IFITM10: variants seen among roughly 807,000 people sequenced by gnomAD.
The protein encoded by IFITM10 is interferon-induced transmembrane protein 10.
A neutral mutation model predicts 19.0 loss-of-function variants in IFITM10; 17 were observed. That is an observed-to-expected ratio of 0.90 (90% confidence interval 0.61 to 1.34). The LOEUF (loss-of-function observed/expected upper bound fraction) is 1.34. Among genes scored for constraint, IFITM10 ranks in the 40% most tolerant of loss-of-function variants. The pLI is 0.00. For synonymous variants in IFITM10, 148 were observed against 147.2 expected, an observed-to-expected ratio of 1.01 and a Z score of -0.04; for missense variants, 306 against 319.8, an observed-to-expected ratio of 0.96 and a Z score of 0.33.
chr11:1,738,067 A>G (rs1391663946), intron 2 of IFITM10, among the ~76,000 whole-genome samples: 1 of 152,040 alleles, frequency 6.6e-6, no homozygotes, highest in Non-Finnish European at 1.5e-5. Context: ...ATGATCGGGA[A>G]GGTGGGTGGA....
intron 2 of IFITM10, 142 bp downstream of exon 2, chr11:1,747,525 G>C (rs758256234): frequency 8.7e-5 from 63 of 726,344 alleles, no homozygotes; most frequent in Non-Finnish European, 1.2e-4. Context: ...ACTGTCCTTT[G>C]ATCCCTTGGC....
At chr11:1,739,095 C>T (rs747247404) in intron 2 of IFITM10, among the ~76,000 whole-genome samples, 56 of 145,888 alleles carry the variant, frequency 3.8e-4, no homozygotes, top group Non-Finnish European at 7.2e-4. Context: ...TGGAACTCCA[C>T]GTGGTTTGAA....
At chr11:1,744,843 C>T (rs1845619848) in intron 2 of IFITM10, 2 of 152,296 alleles carry the variant, frequency 1.3e-5, no homozygotes, top group African/African-American at 2.4e-5. Context: ...CCCAAGAGCT[C>T]GGATTTTAGC....
At position 1,735,266 on chromosome 11, in the gene IFITM10, G is replaced by T; in HGVS notation, c.*14C>A. 6.4e-7 allele frequency: 1 copy of T among 1,551,188 alleles called. No homozygotes were observed. Among genetic ancestry groups the T allele is most frequent in the South Asian group, 1.2e-5 (1 of 84,032 alleles). ...TCAGTGCTTGTCTCCGCCAGCAGCC[G>T]TGCCTGGCGGGCCTTAGTAGTCGGT... On this transcript the variant is annotated 3_prime_UTR_variant, in exon 3 of 3. Transcript: ENST00000340134.
intron 2 of IFITM10, chr11:1,746,463 T>C (rs768719328): frequency 9.8e-5 from 39 of 397,796 alleles, no homozygotes; most frequent in Non-Finnish European, 1.5e-4. Context: ...AGTACACACA[T>C]ACACTGACAC....
At position 1,746,415 on chromosome 11, in the gene IFITM10, ACACT is replaced by A. The variant is rs752144610; in HGVS notation, c.537+1248_537+1251del. The A allele has an allele frequency of 1.4e-3, 574 of 397,634 alleles. 4 individuals carry two copies. Among genetic ancestry groups the A allele is most frequent in the Non-Finnish European group, 2.1e-3 (466 of 225,904 alleles). The allele number at this position is 397,634 out of a possible 1,614,324, so 24.6% of individuals were successfully genotyped here. On this transcript the variant is annotated intron_variant, in intron 2 of 2. Coordinates refer to ENST00000340134, the MANE Select transcript of IFITM10 (RefSeq NM_001170820.4). ...AATGCATTCACATGCACACATAGTT[ACACT>A]CACAGTACATGCCCACTTATGCAAT... is the stretch of plus-strand genomic sequence containing the variant.
In IFITM10 at chr11:1,735,421, G is replaced by A; in HGVS notation, c.546C>T (p.Asp182=). ...CATTCAGGTCATTGAGAAGCTTCTTGTCTCGCACCTGAAGCCGGGAGGAGG... is the reference window on the plus strand; with the variant it reads ...CATTCAGGTCATTGAGAAGCTTCTTATCTCGCACCTGAAGCCGGGAGGAGG... ...IALAYSLKVR[D]KKLLNDLNGA... The change falls in exon 3 of 3, where the codon GAC becomes GAT. Residue 182 remains aspartate, a synonymous_variant. Transcript: ENST00000340134. 1 of 1,551,308 alleles carries A rather than the reference G, an allele frequency of 6.4e-7. No homozygotes were observed. Among genetic ancestry groups the A allele is most frequent in the Non-Finnish European group, 8.7e-7 (1 of 1,146,660 alleles).
intron 2 of IFITM10, among the ~76,000 whole-genome samples, chr11:1,737,264 T>C (rs558723865): frequency 6.6e-6 from 1 of 152,268 alleles, no homozygotes; most frequent in Non-Finnish European, 1.5e-5. Flanking sequence ...TAAAATTGCA[T>C]GTCTAACTGA....
At chr11:1,750,035 C>T (rs1262088220) in intron 1 of IFITM10, among the ~76,000 whole-genome samples, 1 of 152,130 alleles carries the variant, frequency 6.6e-6, no homozygotes, top group Non-Finnish European at 1.5e-5. Context: ...CTGCTAAGGA[C>T]ACTTGTCTCC....
chr11:1,750,046 C>T lies in IFITM10; in HGVS notation c.84+313G>A, dbSNP rs1009826560. On this transcript the variant is annotated intron_variant, in intron 1 of 2. Transcript: ENST00000340134. ...CTGGCTGCTAAGGACACTTGTCTCC[C>T]TGGAGGCTGGTTTACTCACCTGCCC... Among the ~76,000 whole-genome samples, 6 of 152,256 alleles carry T rather than the reference C, an allele frequency of 3.9e-5. No individual in the cohort carries two copies. In the East Asian group the frequency reaches 9.6e-4, roughly 24 times the overall value.
At chr11:1,749,512 G>GT (rs1221422396) in intron 1 of IFITM10, among the ~76,000 whole-genome samples, 1 of 149,170 alleles carries the variant, frequency 6.7e-6, no homozygotes, top group African/African-American at 2.5e-5. Flanking sequence ...CCCCAAGAGA[G>GT]ACCCTCTTCC....
At chr11:1,738,582 T>C (rs1851111620) in intron 2 of IFITM10, among the ~76,000 whole-genome samples, 1 of 152,102 alleles carries the variant, frequency 6.6e-6, no homozygotes, top group Non-Finnish European at 1.5e-5. Flanking sequence ...GATGTGTGGA[T>C]ATGTAAGAGC....
intron 2 of IFITM10, among the ~76,000 whole-genome samples, chr11:1,739,860 A>C (rs1330928656): frequency 6.6e-6 from 1 of 152,226 alleles, no homozygotes; most frequent in Non-Finnish European, 1.5e-5. Flanking sequence ...GCAGCAGATC[A>C]CAGAGAGAGA....
At chr11:1,742,193 G>T (rs1055209923) in intron 2 of IFITM10, among the ~76,000 whole-genome samples, 10 of 152,144 alleles carry the variant, frequency 6.6e-5, no homozygotes, top group African/African-American at 2.2e-4. Context: ...CGAGATGAGT[G>T]GTGGGGTGGG....
At chr11:1,741,461 G>C (rs944012294) in intron 2 of IFITM10, among the ~76,000 whole-genome samples, 37 of 152,060 alleles carry the variant, frequency 2.4e-4, no homozygotes, top group African/African-American at 8.2e-4. Flanking sequence ...GAGAGCGGGA[G>C]AGAGAACAGG....
In IFITM10 at chr11:1,750,436, C is replaced by T; in HGVS notation, c.7G>A (p.Glu3Lys). 2.6e-6 allele frequency: 4 copies of T among 1,550,422 alleles called. No individual in the cohort carries two copies. Among genetic ancestry groups the T allele is most frequent in the Non-Finnish European group, 3.5e-6 (4 of 1,146,940 alleles). Residue 3 changes from glutamate to lysine, a missense_variant, in exon 1 of 3, where the codon GAG becomes AAG. Coordinates refer to ENST00000340134, the MANE Select transcript of IFITM10 (RefSeq NM_001170820.4). ...ATGCATGGCGGCCCCCGTTTTCCCT[C>T]CCTCATCTCTCTCCAAGCCCCATCC... MR[E>K]GKRGPPCILS...
chr11:1,742,182 A>G (rs1299124925), intron 2 of IFITM10, among the ~76,000 whole-genome samples: 1 of 152,172 alleles, frequency 6.6e-6, no homozygotes, highest in Non-Finnish European at 1.5e-5. Context: ...CAGATGGTCA[A>G]CGAGATGAGT....
Position 1,747,898 on chromosome 11 carries a change from T to A in IFITM10, c.306A>T (p.Thr102=). Residue 102 remains threonine (T), a synonymous_variant, in exon 2 of 3, where the codon ACA becomes ACT. Transcript: ENST00000340134. ...EPSASPPMAP[T]LFPMESKSSK... is the part of the protein sequence containing the mutation. ...TGCTCTTGGACTCCATGGGGAACAGTGTGGGCGCCATCGGGGGAGAGGCCG... is the reference window on the plus strand; with the variant it reads ...TGCTCTTGGACTCCATGGGGAACAGAGTGGGCGCCATCGGGGGAGAGGCCG... 6.6e-7 allele frequency: 1 copy of A among 1,511,408 alleles called. No individual in the cohort carries two copies. The highest frequency in any genetic ancestry group is 8.9e-7 in the Non-Finnish European group (1 of 1,125,278). 93.6% of individuals were successfully genotyped at this position (1,511,408 alleles called of 1,614,324 possible).
chr11:1,734,870 A>C lies in IFITM10; in HGVS notation c.*410T>G, dbSNP rs1353625544. The C allele has an allele frequency of 1.0e-5, 2 of 191,010 alleles. No individual in the cohort carries two copies. Among genetic ancestry groups the C allele is most frequent in the Non-Finnish European group, 2.1e-5 (2 of 93,448 alleles). 11.8% of individuals were successfully genotyped at this position (191,010 alleles called of 1,614,324 possible). ...TCTGAGCGGGGTCACATCGTGGAGG[A>C]GGCAGGGTCGGGGAGCACAGAGTGA... On this transcript the variant is annotated 3_prime_UTR_variant, in exon 3 of 3. Coordinates refer to ENST00000340134, the MANE Select transcript of IFITM10 (RefSeq NM_001170820.4).
Sources: allele counts gnomAD v4.1 joint callset (sites outside exome capture counted in the v4.1 genomes callset), GRCh38; gene constraint gnomAD v4.1.1; transcripts MANE v1.5; gene names NCBI Gene and HGNC (gene_info 2026-07-23, HGNC 2026-07-21).